CDH18: variants seen among roughly 807,000 people sequenced by gnomAD.
The protein encoded by CDH18 is cadherin 18.
In CDH18, 31 loss-of-function variants were observed where a neutral mutation model predicts 67.9. That is an observed-to-expected ratio of 0.46 (90% CI 0.34 to 0.62). The LOEUF is 0.62. Among genes scored for constraint, CDH18 ranks in the 20% least tolerant of loss-of-function variants. CDH18 has a pLI of 0.01. For synonymous variants in CDH18, 362 were observed against 347.2 expected (o/e 1.04, Z -0.48); for missense variants, 890 against 975.5 (o/e 0.91, Z 1.17).
intron 2 of CDH18, among the ~76,000 whole-genome samples, chr5:20,110,851 AATTT>A (rs1432036625): frequency 1.3e-5 from 2 of 152,200 alleles, no homozygotes; most frequent in African/African-American, 2.4e-5. Flanking sequence ...TCACTAATCG[AATTT>A]ATTTATTCGT....
At chr5:19,830,910 T>C (rs1415308727) in intron 3 of CDH18, among the ~76,000 whole-genome samples, 1 of 152,080 alleles carries the variant, frequency 6.6e-6, no homozygotes, top group Non-Finnish European at 1.5e-5. Flanking sequence ...GTGGAGGCCA[T>C]AACCTGACAC....
chr5:20,134,271 C>A (rs1749513194), intron 2 of CDH18, among the ~76,000 whole-genome samples: 1 of 152,138 alleles, frequency 6.6e-6, no homozygotes, highest in Non-Finnish European at 1.5e-5. Context: ...TCACCATGCC[C>A]AGCCTACATC....
chr5:20,136,263 A>C (rs921046891), intron 2 of CDH18, among the ~76,000 whole-genome samples: 1 of 152,124 alleles, frequency 6.6e-6, no homozygotes, highest in Non-Finnish European at 1.5e-5. Context: ...TTGCTTTATG[A>C]ATCTGGGTGC....
chr5:19,759,347 T>C (rs1372347378), intron 3 of CDH18, among the ~76,000 whole-genome samples: 1 of 152,178 alleles, frequency 6.6e-6, no homozygotes, highest in Non-Finnish European at 1.5e-5. Context: ...AGGGATGCAA[T>C]ATTTTCTTCG....
At chr5:19,538,012 A>T (rs1178466581) in intron 9 of CDH18, among the ~76,000 whole-genome samples, 1 of 152,178 alleles carries the variant, frequency 6.6e-6, no homozygotes, top group Non-Finnish European at 1.5e-5. Context: ...AAAAGGTAAA[A>T]AGTATTGATA....
chr5:20,300,194 G>A (rs1747855698), intron 1 of CDH18, among the ~76,000 whole-genome samples: 1 of 152,006 alleles, frequency 6.6e-6, no homozygotes, highest in African/African-American at 2.4e-5. Context: ...GCTCCTTAGT[G>A]GTCAGTAGAG....
intron 3 of CDH18, among the ~76,000 whole-genome samples, chr5:19,816,428 T>G (rs1779289375): frequency 6.6e-6 from 1 of 151,886 alleles, no homozygotes; most frequent in Non-Finnish European, 1.5e-5. Context: ...CACTTGAAAT[T>G]TATGAAGCAT....
chr5:20,334,278 C>T (rs548718104), intron 1 of CDH18, among the ~76,000 whole-genome samples: 131 of 150,718 alleles, frequency 8.7e-4, no homozygotes, highest in African/African-American at 2.9e-3. Flanking sequence ...GGACTACAGG[C>T]GCCCGCCACC....
intron 12 of CDH18, among the ~76,000 whole-genome samples, chr5:19,477,929 T>C (rs1316348586): frequency 1.3e-5 from 2 of 152,156 alleles, no homozygotes; most frequent in African/African-American, 4.8e-5. Flanking sequence ...TACATGTCTT[T>C]AGTCTAAAAT....
chr5:20,346,408 T>C (rs960489989), intron 1 of CDH18, among the ~76,000 whole-genome samples: 2 of 152,180 alleles, frequency 1.3e-5, no homozygotes, highest in Admixed American at 1.3e-4. Context: ...CCACTCTGCC[T>C]TACAAAAGGA....
chr5:20,511,966 C>A (rs746241270), intron 1 of CDH18, among the ~76,000 whole-genome samples: 1 of 152,100 alleles, frequency 6.6e-6, no homozygotes, highest in African/African-American at 2.4e-5. Context: ...TGGTGGCTCA[C>A]GCCGAGCACT....
intron 2 of CDH18, among the ~76,000 whole-genome samples, chr5:20,126,284 T>C (rs1748815433): frequency 6.6e-6 from 1 of 152,188 alleles, no homozygotes; most frequent in Non-Finnish European, 1.5e-5. Context: ...ATTAGAATCT[T>C]TTCTTACACA....
chr5:20,261,636 G>A (rs1195160845), intron 1 of CDH18, among the ~76,000 whole-genome samples: 1 of 152,002 alleles, frequency 6.6e-6, no homozygotes, highest in African/African-American at 2.4e-5. Flanking sequence ...AGCTACTTGG[G>A]AGGAGAATGG....
intron 1 of CDH18, among the ~76,000 whole-genome samples, chr5:20,356,261 C>T (rs754203367): frequency 2.0e-5 from 3 of 152,012 alleles, no homozygotes; most frequent in African/African-American, 7.2e-5. Flanking sequence ...CAGGTGCCTG[C>T]AATCCCAGCT....
chr5:20,234,472 A>G (rs1200698321), intron 2 of CDH18, among the ~76,000 whole-genome samples: 1 of 152,088 alleles, frequency 6.6e-6, no homozygotes, highest in Non-Finnish European at 1.5e-5. Context: ...TTTTATATGA[A>G]GAGACATGAG....
intron 1 of CDH18, among the ~76,000 whole-genome samples, chr5:20,547,272 G>A (rs1757392235): frequency 6.6e-6 from 1 of 151,966 alleles, no homozygotes; most frequent in Non-Finnish European, 1.5e-5. Context: ...GATACTAAAA[G>A]AATCAAACTG....
At chr5:19,994,734 TATA>T (rs1735800483) in intron 2 of CDH18, among the ~76,000 whole-genome samples, 1 of 9,944 alleles carries the variant, frequency 1.0e-4, no homozygotes, top group African/African-American at 4.3e-4. Context: ...TATATATATA[TATA>T]TAGAGAGAGA....
In CDH18 at chr5:19,473,517, T is replaced by A. The variant is rs375051200; in HGVS notation, c.2082A>T (p.Glu694Asp). 8.1e-6 allele frequency: 13 copies of A among 1,613,868 alleles called. No individual in the cohort carries two copies. The African/African-American group carries it at 1.7e-4, about 22-fold the overall frequency. ...TCTGGTGTCTGGGAGTGAGCTTCAC[T>A]TCAGGTCTGATATCCCTCCGGTACT... ...ELKYRRDIRP[E>D]VKLTPRHQTS... The change falls in exon 13 of 13, where the codon GAA (glutamate) becomes GAT (aspartate). Residue 694 changes from glutamate (E) to aspartate (D), a missense_variant. Physicochemically the swap from Glu to Asp is conservative, Grantham distance 45. This residue lies in a region of CDH18 where 656 missense variants were observed against 668.1 expected (regional missense o/e 0.98). Transcript: ENST00000382275.
chr5:20,045,176 A>G (rs530703244), intron 2 of CDH18, among the ~76,000 whole-genome samples: 2 of 152,256 alleles, frequency 1.3e-5, no homozygotes, highest in Non-Finnish European at 1.5e-5. Context: ...AGTTGATACA[A>G]CTTTATAAAC....
Sources: gnomAD v4.1 joint callset for allele counts (sites outside exome capture counted in the v4.1 genomes callset) on GRCh38, gnomAD v4.1.1 for gene constraint, gnomAD v4.1.1 regional missense constraint, MANE v1.5 for transcripts, NCBI Gene and HGNC (gene_info 2026-07-23, HGNC 2026-07-21) for gene names.